Variants in CHSY3 observed in about 807,000 individuals in gnomAD.
The protein encoded by CHSY3 is chondroitin sulfate synthase 3.
CHSY3 carries 35 observed loss-of-function variants against 67.2 expected under a neutral mutation model. The ratio of observed to expected loss-of-function variants is 0.52; its 90% confidence interval spans 0.40 to 0.69. The LOEUF is 0.69. CHSY3 is among the 30% of genes least tolerant of loss of function. CHSY3 has a pLI of 0.00. For synonymous variants in CHSY3, 474 were observed against 434.7 expected, an observed-to-expected ratio of 1.09 and a Z score of -1.12; for missense variants, 1,069 against 1,138.5, an observed-to-expected ratio of 0.94 and a Z score of 0.88.
intron 2 of CHSY3, among the ~76,000 whole-genome samples, chr5:130,127,699 T>C (rs576312331): frequency 2.4e-4 from 37 of 152,308 alleles, no homozygotes; most frequent in Non-Finnish European, 4.7e-4. Flanking sequence ...AATCAGAAAT[T>C]CCTGATGTTG....
intron 2 of CHSY3, among the ~76,000 whole-genome samples, chr5:130,079,607 G>A (rs1404423035): frequency 1.3e-5 from 2 of 152,080 alleles, no homozygotes; most frequent in African/African-American, 4.8e-5. Flanking sequence ...AACACAGAGA[G>A]GGGTCTTACA....
chr5:130,102,160 T>C (rs567179716), intron 2 of CHSY3, among the ~76,000 whole-genome samples: 45 of 152,228 alleles, frequency 3.0e-4, no homozygotes, highest in African/African-American at 9.1e-4. Flanking sequence ...ACACATTGAC[T>C]TTAAAATATT....
At chr5:130,120,260 G>A (rs1000688618) in intron 2 of CHSY3, among the ~76,000 whole-genome samples, 4 of 151,884 alleles carry the variant, frequency 2.6e-5, no homozygotes, top group African/African-American at 9.7e-5. Flanking sequence ...TAGTTTTAGG[G>A]ACTTCCTTCA....
intron 2 of CHSY3, among the ~76,000 whole-genome samples, chr5:130,105,174 G>A (rs1157204952): frequency 6.6e-6 from 1 of 151,590 alleles, no homozygotes; most frequent in Admixed American, 6.6e-5. Context: ...ATACAGCCCT[G>A]TGCACATCCT....
chr5:130,008,378 G>A (rs966736882), intron 2 of CHSY3, among the ~76,000 whole-genome samples: 1 of 152,176 alleles, frequency 6.6e-6, no homozygotes, highest in Non-Finnish European at 1.5e-5. Context: ...TTGGCCCCCT[G>A]AAATCATTGA....
chr5:130,057,018 G>T (rs1032888644), intron 2 of CHSY3, among the ~76,000 whole-genome samples: 1 of 148,948 alleles, frequency 6.7e-6, no homozygotes, highest in Non-Finnish European at 1.5e-5. Context: ...CCTCCTCCCG[G>T]GTTCACGCCA....
At chr5:130,149,727 A>C (rs1317809728) in intron 2 of CHSY3, among the ~76,000 whole-genome samples, 3 of 152,216 alleles carry the variant, frequency 2.0e-5, no homozygotes, top group African/African-American at 7.2e-5. Flanking sequence ...TTAATGACTA[A>C]AATTCTGGTA....
intron 2 of CHSY3, among the ~76,000 whole-genome samples, chr5:130,068,640 G>C (rs1181963420): frequency 6.6e-6 from 1 of 152,068 alleles, no homozygotes; most frequent in Non-Finnish European, 1.5e-5. Context: ...CAAGTTCATA[G>C]GAATAAGTAC....
At chr5:130,142,994 G>A (rs990924966) in intron 2 of CHSY3, among the ~76,000 whole-genome samples, 4 of 152,196 alleles carry the variant, frequency 2.6e-5, no homozygotes, top group African/African-American at 9.6e-5. Context: ...TCTTCTGTAA[G>A]AGTATGGAAG....
At chr5:130,158,057 G>A (rs1044027544) in intron 2 of CHSY3, among the ~76,000 whole-genome samples, 5 of 152,232 alleles carry the variant, frequency 3.3e-5, no homozygotes, top group Admixed American at 3.3e-4. Context: ...GGTCACTCTT[G>A]TTGCCATCTT....
intron 2 of CHSY3, among the ~76,000 whole-genome samples, chr5:130,056,023 A>G (rs1382796693): frequency 6.6e-6 from 1 of 152,156 alleles, no homozygotes; most frequent in Non-Finnish European, 1.5e-5. Context: ...TCTGATGCAT[A>G]TTAAGATTCT....
At chr5:130,155,530 C>T (rs1232217015) in intron 2 of CHSY3, among the ~76,000 whole-genome samples, 3 of 152,216 alleles carry the variant, frequency 2.0e-5, no homozygotes, top group Non-Finnish European at 4.4e-5. Flanking sequence ...TCTATCAAGT[C>T]TCCCAAGAAA....
At chr5:130,140,665 C>A (rs1768833473) in intron 2 of CHSY3, 1 of 348,570 alleles carries the variant, frequency 2.9e-6, no homozygotes, top group Non-Finnish European at 5.2e-6. Flanking sequence ...AGAATGGAAT[C>A]TCTGACGTTA....
rs148048268 is a variant in CHSY3, at chr5:130,172,325, C to CTTTT, written c.1087-11893_1087-11890dup. On this transcript the variant is annotated intron_variant, in intron 2 of 2. Coordinates refer to ENST00000305031, the MANE Select transcript of CHSY3 (RefSeq NM_175856.5). ...TCTTTTTTTTCTTTTCTTTTCTTTT[C>CTTTT]TTTTTTTTTTTTTTGAGACAGTTGA... is the stretch of plus-strand genomic sequence containing the variant. Among the ~76,000 whole-genome samples, 56 of 30,236 alleles carry CTTTT rather than the reference C, an allele frequency of 1.9e-3. 1 individual carries two copies. The highest frequency in any genetic ancestry group is 0.025 in the Middle Eastern group (1 of 40). 19.8% of individuals were successfully genotyped at this position (30,236 alleles called of 152,430 possible). A position where few individuals can be genotyped will look rare whatever the true frequency, so the allele number is the denominator to read the frequency against.
chr5:130,086,544 A>G (rs1294846849), intron 2 of CHSY3, among the ~76,000 whole-genome samples: 3 of 151,684 alleles, frequency 2.0e-5, no homozygotes, highest in Non-Finnish European at 3.0e-5. Flanking sequence ...GCACACCACC[A>G]ATCCCACAGA....
In CHSY3 at chr5:130,184,652, G is replaced by C. The variant is rs1026415443; in HGVS notation, c.1510G>C (p.Glu504Gln). ...GGATGATACCGTCCTACAGGTGATGGAGATGATCAATGAGAATGCCAAGAG... is the reference window on the plus strand; with the variant it reads ...GGATGATACCGTCCTACAGGTGATGCAGATGATCAATGAGAATGCCAAGAG... Reference protein sequence around the residue: ...ALDDTVLQVMEMINENAKSRG... With the variant: ...ALDDTVLQVMQMINENAKSRG... The change falls in exon 3 of 3, where the codon GAG becomes CAG. Residue 504 changes from glutamate to glutamine, a missense_variant. This residue lies in a region of CHSY3 where 401 missense variants were observed against 395.2 expected (regional missense o/e 1.01). Transcript: ENST00000305031. 1 of 1,604,676 alleles carries C rather than the reference G, an allele frequency of 6.2e-7. No homozygotes were observed. Among genetic ancestry groups the C allele is most frequent in the Non-Finnish European group, 8.5e-7 (1 of 1,171,454 alleles).
chr5:130,051,376 C>A (rs1012275905), intron 2 of CHSY3, among the ~76,000 whole-genome samples: 1 of 151,968 alleles, frequency 6.6e-6, no homozygotes, highest in Non-Finnish European at 1.5e-5. Flanking sequence ...TATCTGTCTA[C>A]CAGATCCACT....
chr5:129,957,061 G>T (rs1762197917), intron 2 of CHSY3, among the ~76,000 whole-genome samples: 1 of 152,062 alleles, frequency 6.6e-6, no homozygotes, highest in Non-Finnish European at 1.5e-5. Context: ...TGTGCAGTAT[G>T]ACTATTTTAA....
intron 2 of CHSY3, among the ~76,000 whole-genome samples, chr5:130,025,639 T>G (rs914015732): frequency 6.6e-6 from 1 of 152,030 alleles, no homozygotes; most frequent in Non-Finnish European, 1.5e-5. Context: ...ACCAGTAGAT[T>G]TGGTGTCTGT....
Sources: gnomAD v4.1 joint callset for allele counts (sites outside exome capture counted in the v4.1 genomes callset) on GRCh38, gnomAD v4.1.1 for gene constraint, gnomAD v4.1.1 regional missense constraint, MANE v1.5 for transcripts, NCBI Gene and HGNC (gene_info 2026-07-23, HGNC 2026-07-21) for gene names.